The following RBM28 variants were observed in gnomAD, a reference collection of about 807,000 sequenced individuals.
The protein encoded by RBM28 is RNA binding motif protein 28, also known as RNA-binding protein 28.
Under a neutral mutation model 98.3 loss-of-function variants are expected in RBM28, and 78 were observed. The ratio of observed to expected loss-of-function variants is 0.79; its 90% CI spans 0.66 to 0.96. The LOEUF is 0.96. Ranked by LOEUF, RBM28 falls within the 40% of genes least tolerant of loss-of-function variation. RBM28 has a pLI of 0.00. For missense variants in RBM28, 838 were observed against 913.0 expected (o/e 0.92, Z 1.06); for synonymous variants, 306 against 330.9 (o/e 0.92, Z 0.82).
chr7:128,322,867 A>AC (rs1796266285), intron 13 of RBM28, among the ~76,000 whole-genome samples: 1 of 151,454 alleles, frequency 6.6e-6, no homozygotes, highest in African/African-American at 2.4e-5. Context: ...TTACACTCTC[A>AC]CCCCTGTTCC....
At chr7:128,321,529 A>G in intron 13 of RBM28, 105 bp from the exon 14 acceptor site, 4 of 1,424,008 alleles carry the variant, frequency 2.8e-6, no homozygotes, top group Non-Finnish European at 3.9e-6. Flanking sequence ...ATAACCACAC[A>G]TATAGAAAAC....
chr7:128,318,292 C>T (rs1045389457), intron 14 of RBM28, among the ~76,000 whole-genome samples, 186 bp from the exon 15 acceptor site: 6 of 151,958 alleles, frequency 3.9e-5, no homozygotes, highest in African/African-American at 1.2e-4. Flanking sequence ...TGAGACCAGC[C>T]TAGGCAACAT....
intron 1 of RBM28, among the ~76,000 whole-genome samples, 157 bp from the exon 2 acceptor site, chr7:128,339,948 G>A (rs1253403852): frequency 6.6e-6 from 1 of 152,192 alleles, no homozygotes; most frequent in African/African-American, 2.4e-5. Context: ...TCAGGAGGGC[G>A]AGAAACAAGG....
rs961169117 is a variant in RBM28 at position 128,304,694 on chromosome 7, T to C, written c.*6103A>G. ...CCTCCAAGAGGTGTTCTTCGCTTTG[T>C]GGCATTACCTCTCTGAAGTACTTTA... On this transcript the variant is annotated 3_prime_UTR_variant, in exon 19 of 19. Coordinates refer to ENST00000223073, the MANE Select transcript of RBM28 (RefSeq NM_018077.3). 4.6e-5 allele frequency: 7 copies of C among 152,256 alleles called. No individual in the cohort carries two copies. The highest frequency in any genetic ancestry group is 7.3e-5 in the Non-Finnish European group (5 of 68,102). 9.4% of individuals were successfully genotyped at this position (152,256 alleles called of 1,614,324 possible).
chr7:128,317,171 AG>A (rs1285972011), intron 16 of RBM28, among the ~76,000 whole-genome samples: 1 of 152,236 alleles, frequency 6.6e-6, no homozygotes, highest in Non-Finnish European at 1.5e-5. Flanking sequence ...ATAACTGCCA[AG>A]GAACATGCAG....
intron 14 of RBM28, among the ~76,000 whole-genome samples, chr7:128,320,456 G>T (rs950891259): frequency 6.6e-6 from 1 of 151,312 alleles, no homozygotes; most frequent in Non-Finnish European, 1.5e-5. Context: ...AGAGAAATAC[G>T]CAAAGGGGAA....
intron 13 of RBM28, 140 bp downstream of exon 13, chr7:128,323,387 T>C: frequency 1.1e-6 from 1 of 941,338 alleles, no homozygotes; most frequent in South Asian, 1.3e-5. Context: ...TTCACCTATG[T>C]GCTTTTCTCC....
chr7:128,333,543 C>T (rs1352162170), intron 8 of RBM28, among the ~76,000 whole-genome samples, 181 bp from the exon 9 acceptor site: 1 of 152,114 alleles, frequency 6.6e-6, no homozygotes, highest in African/African-American at 2.4e-5. Flanking sequence ...CATGGCAAAA[C>T]CCTGTCTCTA....
intron 1 of RBM28, among the ~76,000 whole-genome samples, chr7:128,341,483 T>A (rs1274260321): frequency 1.3e-5 from 2 of 152,248 alleles, no homozygotes. Flanking sequence ...ATTATTCCCA[T>A]CTTAAAGAGG....
intron 10 of RBM28, among the ~76,000 whole-genome samples, chr7:128,329,162 C>T (rs1380151104): frequency 3.3e-5 from 5 of 152,104 alleles, no homozygotes; most frequent in South Asian, 2.1e-4. Context: ...TGCAGTGGCA[C>T]GATCTCGGCT....
intron 6 of RBM28, 49 bp downstream of exon 6, chr7:128,337,082 C>A (rs1796616188): frequency 6.3e-7 from 1 of 1,577,560 alleles, no homozygotes; most frequent in Non-Finnish European, 8.7e-7. Context: ...TCAATACTCT[C>A]ACCCAGGTTA....
In RBM28 at chr7:128,298,431, C is replaced by T. The variant is rs534341762; in HGVS notation, c.*12366G>A. 19 of 152,220 alleles carry T rather than the reference C, an allele frequency of 1.2e-4. No homozygotes were observed. The highest frequency in any genetic ancestry group is 4.1e-4 in the African/African-American group (17 of 41,516). 9.4% of individuals were successfully genotyped at this position (152,220 alleles called of 1,614,324 possible). A position where few individuals can be genotyped will look rare whatever the true frequency, so the allele number is the denominator to read the frequency against. ...GTACTATTTCTCTTTATTTCTCAGT[C>T]GGCCGACACTTATGGAAAATAGAAA... On this transcript the variant is annotated 3_prime_UTR_variant, in exon 19 of 19. Transcript: ENST00000223073.
chr7:128,324,299 C>A (rs79479338), intron 12 of RBM28, among the ~76,000 whole-genome samples: 1 of 152,134 alleles, frequency 6.6e-6, no homozygotes, highest in Admixed American at 6.5e-5. Context: ...TCTTCCTCCC[C>A]CTTTGCCTTG....
Position 128,339,247 on chromosome 7 carries a change from T to A in RBM28, c.352A>T (p.Ile118Phe). ...KVADKKARLIIRNLSFKCSED... is the reference protein window; with the variant it reads ...KVADKKARLIFRNLSFKCSED... ...CTTACCTTAAAGCTCAGGTTCCGAA[T>A]AATTAATCTGGCTTTCTTATCTGCC... The change falls in exon 3 of 19, where the codon ATT (isoleucine) becomes TTT (phenylalanine). Residue 118 changes from isoleucine to phenylalanine, a missense_variant. Ile to Phe is a conservative substitution (Grantham distance 21). Coordinates refer to ENST00000223073, the MANE Select transcript of RBM28 (RefSeq NM_018077.3). The A allele has an allele frequency of 6.2e-7, 1 of 1,612,798 alleles. No homozygotes were observed. The highest frequency in any genetic ancestry group is 1.1e-5 in the South Asian group (1 of 91,050).
intron 10 of RBM28, among the ~76,000 whole-genome samples, chr7:128,326,499 C>A (rs1299791578): frequency 2.6e-5 from 4 of 152,092 alleles, no homozygotes; most frequent in African/African-American, 9.7e-5. Flanking sequence ...CATATACTTA[C>A]CATTATGTTA....
At chr7:128,319,089 A>G (rs898823827) in intron 14 of RBM28, among the ~76,000 whole-genome samples, 1 of 152,218 alleles carries the variant, frequency 6.6e-6, no homozygotes, top group Non-Finnish European at 1.5e-5. Context: ...GAGAAAACTG[A>G]TCATTTACAT....
At chr7:128,336,953 G>A (rs1339945923) in intron 6 of RBM28, among the ~76,000 whole-genome samples, 178 bp downstream of exon 6, 1 of 152,034 alleles carries the variant, frequency 6.6e-6, no homozygotes, top group African/African-American at 2.4e-5. Context: ...TTTGCATGTT[G>A]GCCAGGCTGG....
At chr7:128,313,146 A>G (rs749488772) in intron 18 of RBM28, 29 bp downstream of exon 18, 1 of 1,596,374 alleles carries the variant, frequency 6.3e-7, no homozygotes, top group Non-Finnish European at 8.6e-7. Flanking sequence ...ACCATGCCAT[A>G]CCAAAGCTGT....
chr7:128,337,079 T>C (rs1278869786), intron 6 of RBM28, 52 bp downstream of exon 6: 2 of 1,570,826 alleles, frequency 1.3e-6, no homozygotes, highest in Middle Eastern at 1.7e-4. Context: ...GTTTCAATAC[T>C]CTCACCCAGG....
Sources: allele counts gnomAD v4.1 joint callset (sites outside exome capture counted in the v4.1 genomes callset), GRCh38; gene constraint gnomAD v4.1.1; transcripts MANE v1.5; gene names NCBI Gene and HGNC (gene_info 2026-07-23, HGNC 2026-07-21).